AGBL1: variants seen among roughly 807,000 people sequenced by gnomAD.
AGBL1 encodes the protein AGBL carboxypeptidase 1.
In AGBL1, 130 loss-of-function variants were observed where a neutral mutation model predicts 118.9. That is an observed-to-expected ratio of 1.09 (90% CI 0.95 to 1.26). The LOEUF is 1.26. AGBL1 is among the 50% of genes most tolerant of loss of function. AGBL1 has a pLI of 0.00. For missense variants in AGBL1, 1,584 were observed against 1,298.1 expected (o/e 1.22, Z -3.38); for synonymous variants, 555 against 478.9 (o/e 1.16, Z -2.08).
intron 5 of AGBL1, among the ~76,000 whole-genome samples, chr15:86,185,076 C>T (rs1210309470): frequency 6.6e-6 from 1 of 152,014 alleles, no homozygotes; most frequent in Non-Finnish European, 1.5e-5. Flanking sequence ...AAAAACAACC[C>T]CATCAAAAAG....
intron 22 of AGBL1, among the ~76,000 whole-genome samples, chr15:86,843,752 T>C (rs971159531): frequency 7.2e-5 from 11 of 152,212 alleles, no homozygotes; most frequent in South Asian, 2.1e-4. Flanking sequence ...TCACATACTA[T>C]ATAAATTTCC....
intron 1 of AGBL1, among the ~76,000 whole-genome samples, chr15:86,088,532 G>C (rs1278762607): frequency 6.6e-6 from 1 of 152,186 alleles, no homozygotes; most frequent in Non-Finnish European, 1.5e-5. Flanking sequence ...ATGTGTGATG[G>C]GGGACTATTA....
chr15:86,684,457 T>TTC (rs1344697980), intron 22 of AGBL1, among the ~76,000 whole-genome samples: 1 of 60,012 alleles, frequency 1.7e-5, no homozygotes, highest in African/African-American at 5.9e-5. Context: ...CCTAGCATAG[T>TTC]TCTCTCTTTT....
At chr15:86,560,463 A>G (rs2083800930) in intron 21 of AGBL1, among the ~76,000 whole-genome samples, 1 of 152,230 alleles carries the variant, frequency 6.6e-6, no homozygotes, top group South Asian at 2.1e-4. Flanking sequence ...TACAAAGGAC[A>G]TGAACTCATC....
At chr15:87,002,795 A>G (rs988466392) in intron 24 of AGBL1, among the ~76,000 whole-genome samples, 1 of 152,192 alleles carries the variant, frequency 6.6e-6, no homozygotes, top group Non-Finnish European at 1.5e-5. Context: ...TTATTGGTGT[A>G]TAAGAATGCT....
intron 20 of AGBL1, among the ~76,000 whole-genome samples, chr15:86,547,540 A>G (rs1270422093): frequency 3.9e-5 from 6 of 152,142 alleles, no homozygotes; most frequent in Admixed American, 3.3e-4. Flanking sequence ...AATTTTTGTG[A>G]ATAATTCATA....
intron 1 of AGBL1, among the ~76,000 whole-genome samples, chr15:86,084,838 A>G (rs1450020737): frequency 1.3e-5 from 2 of 152,156 alleles, no homozygotes; most frequent in African/African-American, 2.4e-5. Context: ...TCATTTATCC[A>G]TCCATCCATC....
At chr15:86,094,920 G>C (rs1029127266) in intron 1 of AGBL1, among the ~76,000 whole-genome samples, 6 of 152,260 alleles carry the variant, frequency 3.9e-5, no homozygotes, top group African/African-American at 1.4e-4. Context: ...AATCCCATGA[G>C]ACTGCTTCTA....
intron 22 of AGBL1, among the ~76,000 whole-genome samples, chr15:86,776,967 C>G (rs780167972): frequency 6.6e-6 from 1 of 151,840 alleles, no homozygotes; most frequent in African/African-American, 2.4e-5. Context: ...TTGTTCCTAA[C>G]CAAACACAAT....
intron 19 of AGBL1, among the ~76,000 whole-genome samples, chr15:86,544,676 G>T (rs1224622450): frequency 6.6e-6 from 1 of 152,078 alleles, no homozygotes; most frequent in East Asian, 1.9e-4. Context: ...GCATGGCAAA[G>T]ACCTACCCCC....
At chr15:86,646,543 C>T (rs1372782531) in intron 21 of AGBL1, among the ~76,000 whole-genome samples, 3 of 152,198 alleles carry the variant, frequency 2.0e-5, no homozygotes, top group African/African-American at 7.2e-5. Flanking sequence ...ATGTTCCCTT[C>T]CCACACTCAA....
intron 21 of AGBL1, among the ~76,000 whole-genome samples, chr15:86,617,897 A>G (rs923831774): frequency 6.6e-6 from 1 of 152,204 alleles, no homozygotes; most frequent in Non-Finnish European, 1.5e-5. Flanking sequence ...AAAACAAAAC[A>G]TATTATTCCT....
intron 1 of AGBL1, among the ~76,000 whole-genome samples, chr15:86,126,330 A>C (rs7176674): frequency 0.019 from 2,945 of 152,286 alleles, 95 homozygotes; most frequent in African/African-American, 0.065. Flanking sequence ...CATGAAATAT[A>C]ATCTGGTAAA....
intron 21 of AGBL1, among the ~76,000 whole-genome samples, chr15:86,637,747 AT>A (rs1482305188): frequency 6.6e-6 from 1 of 152,136 alleles, no homozygotes; most frequent in Non-Finnish European, 1.5e-5. Flanking sequence ...AGACTTGATT[AT>A]GGATTAAACA....
chr15:86,118,542 T>C (rs75355313), intron 1 of AGBL1, among the ~76,000 whole-genome samples: 3,558 of 152,062 alleles, frequency 0.023, 157 homozygotes, highest in African/African-American at 0.08. Context: ...GGAGCTTCTG[T>C]TTGAGTACAG....
intron 21 of AGBL1, among the ~76,000 whole-genome samples, chr15:86,585,421 C>A (rs530233142): frequency 6.6e-6 from 1 of 152,232 alleles, no homozygotes; most frequent in South Asian, 2.1e-4. Flanking sequence ...GAGACAGGGT[C>A]TCACTGTCTC....
At chr15:86,518,323 C>T (rs1010159203) in intron 18 of AGBL1, among the ~76,000 whole-genome samples, 2 of 151,966 alleles carry the variant, frequency 1.3e-5, no homozygotes, top group Non-Finnish European at 2.9e-5. Flanking sequence ...AGTAGATAAA[C>T]GAGATCCACA....
chr15:86,680,971 T>A (rs2085944323), intron 22 of AGBL1, among the ~76,000 whole-genome samples: 1 of 152,108 alleles, frequency 6.6e-6, no homozygotes, highest in South Asian at 2.1e-4. Context: ...TTTCCTCACT[T>A]CTTTCTTTTC....
intron 23 of AGBL1, among the ~76,000 whole-genome samples, chr15:86,932,691 T>TGC (rs2080619751): frequency 6.6e-6 from 1 of 152,230 alleles, no homozygotes; most frequent in South Asian, 2.1e-4. Flanking sequence ...TGACATCAAC[T>TGC]ATGGCTGACT....
Sources: allele counts gnomAD v4.1 joint callset (sites outside exome capture counted in the v4.1 genomes callset), GRCh38; gene constraint gnomAD v4.1.1; transcripts MANE v1.5; gene names NCBI Gene and HGNC (gene_info 2026-07-23, HGNC 2026-07-21).